The following CYP3A7 variants were observed in gnomAD, a reference collection of about 807,000 sequenced individuals.
The protein encoded by CYP3A7 is cytochrome P450 family 3 subfamily A member 7, also known as cytochrome P450 3A7.
A neutral mutation model predicts 55.2 loss-of-function variants in CYP3A7; 45 were observed. The ratio of observed to expected loss-of-function variants is 0.82; its 90% CI spans 0.64 to 1.05. The LOEUF is 1.05. Ranked by LOEUF, CYP3A7 falls within the 50% of genes least tolerant of loss-of-function variation. The probability of loss-of-function intolerance (pLI) is 0.00; values close to 1 mark genes in which losing one functional copy is unlikely to be tolerated. For synonymous variants in CYP3A7, 180 were observed against 207.4 expected, an observed-to-expected ratio of 0.87 and a Z score of 1.13; for missense variants, 548 against 605.3, an observed-to-expected ratio of 0.91 and a Z score of 0.99.
At position 99,713,577 on chromosome 7, in the gene CYP3A7, G is replaced by T. The variant is rs45585039; in HGVS notation, c.799-42C>A. ...AAATTTTATTGACAGAAAGTGACTC[G>T]TGAAGTCAGAAGTTAATCAGAAGTG... On this transcript the variant is annotated intron_variant, in intron 8 of 12. Transcript: ENST00000336374. 8.1e-6 allele frequency: 13 copies of T among 1,611,814 alleles called. No individual in the cohort carries two copies. The African/African-American group carries it at 1.7e-4, about 22-fold the overall frequency.
At chr7:99,719,222 G>A (rs1281087555) in intron 4 of CYP3A7, among the ~76,000 whole-genome samples, 10 of 152,174 alleles carry the variant, frequency 6.6e-5, no homozygotes, top group Admixed American at 2.6e-4. Context: ...ATCCATAAAA[G>A]TGGGAAGAAT....
intron 2 of CYP3A7, among the ~76,000 whole-genome samples, chr7:99,728,609 A>G (rs1480440983): frequency 1.3e-5 from 2 of 152,156 alleles, no homozygotes; most frequent in East Asian, 1.9e-4. Context: ...ACATATGTCT[A>G]TCTGCTAATT....
At position 99,717,282 on chromosome 7, in the gene CYP3A7, A is replaced by C. The variant is rs72552793; in HGVS notation, c.433-17T>G. ...AGGGACCATCTAAGCACAAAACACA[A>C]CACCACCCATAGTTAAATGTGCAGA... On this transcript the variant is annotated splice_polypyrimidine_tract_variant and intron_variant, in intron 5 of 12. Coordinates refer to ENST00000336374, the MANE Select transcript of CYP3A7 (RefSeq NM_000765.5). The C allele has an allele frequency of 1.2e-6, 2 of 1,613,770 alleles. No homozygotes were observed. Among genetic ancestry groups the C allele is most frequent in the East Asian group, 2.2e-5 (1 of 44,872 alleles).
chr7:99,730,791 C>T (rs183443883), intron 2 of CYP3A7: 309 of 427,166 alleles, frequency 7.2e-4, no homozygotes, highest in Non-Finnish European at 3.4e-4. Context: ...CTTTATGGTG[C>T]TCACAAAGTC....
chr7:99,732,468 G>T (rs370675225), intron 1 of CYP3A7, among the ~76,000 whole-genome samples: 22 of 151,954 alleles, frequency 1.4e-4, no homozygotes, highest in African/African-American at 5.3e-4. Context: ...CAATTACAAA[G>T]CAGTCAGTTT....
In CYP3A7 at chr7:99,710,724, C is replaced by G; in HGVS notation, c.1026+8G>C. On this transcript the variant is annotated splice_region_variant and intron_variant, in intron 10 of 12. Coordinates refer to ENST00000336374, the MANE Select transcript of CYP3A7 (RefSeq NM_000765.5). The stretch of plus-strand genomic sequence containing the variant: ...TCCTCCCTCCTTCTCCATGTACTGT[C>G]CACTCACCTTATTGGGTAAAACTGT... 1 of 1,613,796 alleles carries G rather than the reference C, an allele frequency of 6.2e-7. No individual in the cohort carries two copies. Among genetic ancestry groups the G allele is most frequent in the Non-Finnish European group, 8.5e-7 (1 of 1,179,818 alleles).
intron 9 of CYP3A7, among the ~76,000 whole-genome samples, chr7:99,713,120 G>A (rs34967184): frequency 0.024 from 3,667 of 152,202 alleles, 62 homozygotes; most frequent in South Asian, 0.044. Context: ...CACAAAAATT[G>A]CAATTATTTT....
At chr7:99,711,812 G>A (rs1813760349) in intron 9 of CYP3A7, among the ~76,000 whole-genome samples, 1 of 151,802 alleles carries the variant, frequency 6.6e-6, no homozygotes, top group African/African-American at 2.4e-5. Context: ...AAACAGAAAT[G>A]CAAAATCTCA....
At chr7:99,708,152 C>T (rs1813592695) in intron 11 of CYP3A7, among the ~76,000 whole-genome samples, 178 bp from the exon 12 acceptor site, 1 of 152,144 alleles carries the variant, frequency 6.6e-6, no homozygotes, top group South Asian at 2.1e-4. Flanking sequence ...AGGTACAGAT[C>T]CTTTCTACTC....
At chr7:99,734,427 C>A (rs1814748559) in intron 1 of CYP3A7, among the ~76,000 whole-genome samples, 1 of 152,100 alleles carries the variant, frequency 6.6e-6, no homozygotes, top group South Asian at 2.1e-4. Flanking sequence ...GTTTGGTAAG[C>A]TGGGTACAAA....
chr7:99,717,285 C>A lies in CYP3A7; in HGVS notation c.433-20G>T, dbSNP rs1813995721. ...GACCATCTAAGCACAAAACACAACACCACCCATAGTTAAATGTGCAGACAT... is the reference window on the plus strand; with the variant it reads ...GACCATCTAAGCACAAAACACAACAACACCCATAGTTAAATGTGCAGACAT... On this transcript the variant is annotated intron_variant, in intron 5 of 12. Transcript: ENST00000336374. 1.2e-6 allele frequency: 2 copies of A among 1,613,798 alleles called. No homozygotes were observed. The highest frequency in any genetic ancestry group is 2.2e-5 in the South Asian group (2 of 91,080).
At chr7:99,722,256 A>T in intron 3 of CYP3A7, 40 bp downstream of exon 3, 1 of 1,612,444 alleles carries the variant, frequency 6.2e-7, no homozygotes, top group Non-Finnish European at 8.5e-7. Flanking sequence ...AACTCATCAT[A>T]GAAACAAGTC....
At chr7:99,725,236 G>A (rs1436432507) in intron 2 of CYP3A7, among the ~76,000 whole-genome samples, 1 of 152,176 alleles carries the variant, frequency 6.6e-6, no homozygotes, top group African/African-American at 2.4e-5. Flanking sequence ...TGGACCCAGA[G>A]GGGCCAGAAG....
chr7:99,706,419 T>C (rs1813526096), intron 12 of CYP3A7, among the ~76,000 whole-genome samples: 1 of 152,190 alleles, frequency 6.6e-6, no homozygotes, highest in African/African-American at 2.4e-5. Flanking sequence ...GATAGCTACA[T>C]AGCTGGCCTA....
intron 2 of CYP3A7, among the ~76,000 whole-genome samples, chr7:99,722,809 G>T (rs1483200167): frequency 6.6e-6 from 1 of 152,138 alleles, no homozygotes; most frequent in Admixed American, 6.6e-5. Flanking sequence ...AATTCTAGCA[G>T]AATTAGAAAG....
intron 12 of CYP3A7, 142 bp from the exon 13 acceptor site, chr7:99,705,737 G>GTTATACT: frequency 9.9e-7 from 1 of 1,014,794 alleles, no homozygotes; most frequent in Non-Finnish European, 1.4e-6. Flanking sequence ...TCTTGGATTC[G>GTTATACT]TTATACTTAC....
At chr7:99,708,676 A>C (rs1313531877) in intron 11 of CYP3A7, among the ~76,000 whole-genome samples, 1 of 152,140 alleles carries the variant, frequency 6.6e-6, no homozygotes, top group Non-Finnish European at 1.5e-5. Flanking sequence ...TTTTTATTCA[A>C]ATTTGATTCC....
chr7:99,728,400 G>A (rs1814495168), intron 2 of CYP3A7, among the ~76,000 whole-genome samples: 1 of 152,218 alleles, frequency 6.6e-6, no homozygotes, highest in South Asian at 2.1e-4. Flanking sequence ...ATGAAAGTTT[G>A]GTTGTAGACA....
At chr7:99,716,676 C>T (rs1284417128) in intron 6 of CYP3A7, among the ~76,000 whole-genome samples, 2 of 152,102 alleles carry the variant, frequency 1.3e-5, no homozygotes, top group East Asian at 1.9e-4. Context: ...TTACCACCCT[C>T]TCTCTTTGAG....
Sources: gnomAD v4.1 joint callset for allele counts (sites outside exome capture counted in the v4.1 genomes callset) on GRCh38, gnomAD v4.1.1 for gene constraint, MANE v1.5 for transcripts, NCBI Gene and HGNC (gene_info 2026-07-23, HGNC 2026-07-21) for gene names.